Variants in CSRNP3 observed in about 807,000 individuals in gnomAD.
CSRNP3 encodes cysteine and serine rich nuclear protein 3, also known as cysteine/serine-rich nuclear protein 3.
CSRNP3 carries 12 observed loss-of-function variants against 48.0 expected under a neutral mutation model. That is an observed-to-expected ratio of 0.25 (90% CI 0.16 to 0.41). The LOEUF (loss-of-function observed/expected upper bound fraction) is 0.41. CSRNP3 is among the 10% of genes least tolerant of loss of function. The pLI is 1.00. For missense variants in CSRNP3, 580 were observed against 724.4 expected (o/e 0.80, Z 2.29); for synonymous variants, 263 against 269.7 (o/e 0.98, Z 0.24).
At chr2:165,609,178 A>G (rs1444624678) in intron 4 of CSRNP3, among the ~76,000 whole-genome samples, 1 of 150,550 alleles carries the variant, frequency 6.6e-6, no homozygotes, top group African/African-American at 2.4e-5. Context: ...CTTAGAGGCC[A>G]GGCGCAGTGG....
chr2:165,628,795 A>C (rs1281321294), intron 4 of CSRNP3, among the ~76,000 whole-genome samples: 4 of 152,014 alleles, frequency 2.6e-5, no homozygotes, highest in Non-Finnish European at 5.9e-5. Flanking sequence ...GGCCGGGCAC[A>C]GTGGCTCGTG....
At chr2:165,520,781 TATTATATATA>T (rs1315676933) in intron 3 of CSRNP3, among the ~76,000 whole-genome samples, 1 of 8,824 alleles carries the variant, frequency 1.1e-4, no homozygotes, top group Non-Finnish European at 1.7e-4. Context: ...TATATATATA[TATTATATATA>T]TATATATATA....
chr2:165,581,597 C>T (rs1162585838), intron 3 of CSRNP3, among the ~76,000 whole-genome samples: 4 of 125,768 alleles, frequency 3.2e-5, no homozygotes, highest in Non-Finnish European at 4.7e-5. Context: ...AGTACAGTGG[C>T]GCTATCTCAG....
chr2:165,638,199 C>T (rs376070803), intron 4 of CSRNP3, among the ~76,000 whole-genome samples: 11 of 152,138 alleles, frequency 7.2e-5, no homozygotes, highest in African/African-American at 2.4e-4. Flanking sequence ...TGGTGGCTCA[C>T]GCCTATAATC....
chr2:165,586,539 A>G (rs1263146377), intron 3 of CSRNP3, among the ~76,000 whole-genome samples: 1 of 152,204 alleles, frequency 6.6e-6, no homozygotes, highest in Non-Finnish European at 1.5e-5. Flanking sequence ...TGGGTGTCCC[A>G]TATTTTTATT....
chr2:165,577,001 G>A (rs111365262), intron 3 of CSRNP3, among the ~76,000 whole-genome samples: 1 of 151,732 alleles, frequency 6.6e-6, no homozygotes, highest in African/African-American at 2.4e-5. Flanking sequence ...AAGATTTCAG[G>A]GCAAACATGT....
chr2:165,482,500 A>G (rs6747511), intron 1 of CSRNP3, among the ~76,000 whole-genome samples: 55,648 of 151,754 alleles, frequency 0.37, 10,297 homozygotes, highest in African/African-American at 0.43. Context: ...CGTGACCTCA[A>G]GTGATCTGCC....
chr2:165,631,482 C>A (rs1007958956), intron 4 of CSRNP3, among the ~76,000 whole-genome samples: 3 of 152,112 alleles, frequency 2.0e-5, no homozygotes, highest in Admixed American at 6.6e-5. Flanking sequence ...TTATTTATTC[C>A]ATTGATATTC....
chr2:165,590,325 T>C (rs770111478), intron 3 of CSRNP3, among the ~76,000 whole-genome samples: 1 of 152,238 alleles, frequency 6.6e-6, no homozygotes, highest in African/African-American at 2.4e-5. Context: ...GAGTAGAACA[T>C]GAATTTGGGA....
chr2:165,616,064 T>C (rs1188534017), intron 4 of CSRNP3, among the ~76,000 whole-genome samples: 2 of 152,118 alleles, frequency 1.3e-5, no homozygotes, highest in African/African-American at 4.8e-5. Context: ...TGTGTATCTT[T>C]ACAGATGAAG....
At chr2:165,631,936 G>A (rs969069518) in intron 4 of CSRNP3, among the ~76,000 whole-genome samples, 4 of 152,108 alleles carry the variant, frequency 2.6e-5, no homozygotes, top group Non-Finnish European at 4.4e-5. Flanking sequence ...ATTAATATCT[G>A]GCAATCAAAT....
chr2:165,613,096 T>A (rs967658947), intron 4 of CSRNP3, among the ~76,000 whole-genome samples: 3 of 152,176 alleles, frequency 2.0e-5, no homozygotes, highest in Non-Finnish European at 4.4e-5. Flanking sequence ...TTTTTTTGTC[T>A]TTTTTATGAA....
intron 4 of CSRNP3, among the ~76,000 whole-genome samples, chr2:165,622,657 C>T (rs2105319410): frequency 6.6e-6 from 1 of 152,178 alleles, no homozygotes; most frequent in Admixed American, 6.5e-5. Flanking sequence ...ACACCATGTT[C>T]CCATTTCTCC....
chr2:165,520,136 A>G (rs1262897010), intron 3 of CSRNP3, among the ~76,000 whole-genome samples: 3 of 152,216 alleles, frequency 2.0e-5, no homozygotes, highest in South Asian at 4.1e-4. Flanking sequence ...ATATTAAAGG[A>G]CATAGGTCTA....
At chr2:165,636,229 A>G (rs1558957807) in intron 4 of CSRNP3, among the ~76,000 whole-genome samples, 3 of 152,212 alleles carry the variant, frequency 2.0e-5, no homozygotes, top group South Asian at 2.1e-4. Flanking sequence ...GGTAACTTAC[A>G]CAGAAGCTAC....
chr2:165,588,981 A>G (rs1443354153), intron 3 of CSRNP3, among the ~76,000 whole-genome samples: 2 of 152,172 alleles, frequency 1.3e-5, no homozygotes, highest in African/African-American at 4.8e-5. Context: ...AAAAATAAAT[A>G]AATTAAATAA....
At chr2:165,593,048 G>A (rs990939732) in intron 3 of CSRNP3, among the ~76,000 whole-genome samples, 20 of 152,012 alleles carry the variant, frequency 1.3e-4, no homozygotes, top group East Asian at 1.9e-4. Context: ...TGATCCGCCC[G>A]CCTCGGCCTC....
At chr2:165,566,493 T>C (rs575840891) in intron 3 of CSRNP3, among the ~76,000 whole-genome samples, 2 of 151,734 alleles carry the variant, frequency 1.3e-5, no homozygotes, top group Admixed American at 6.6e-5. Flanking sequence ...AATGGTTTCA[T>C]CTGTAAAATG....
At chr2:165,500,418 TATACAC>T (rs1558917829) in intron 2 of CSRNP3, among the ~76,000 whole-genome samples, 3 of 119,992 alleles carry the variant, frequency 2.5e-5, no homozygotes, top group South Asian at 2.4e-4. Flanking sequence ...TACATATATA[TATACAC>T]ACACACACAC....
Sources: gnomAD v4.1 joint callset for allele counts (sites outside exome capture counted in the v4.1 genomes callset) on GRCh38, gnomAD v4.1.1 for gene constraint, MANE v1.5 for transcripts, NCBI Gene and HGNC (gene_info 2026-07-23, HGNC 2026-07-21) for gene names.